The following IQCJ variants were observed in gnomAD, a reference collection of about 807,000 sequenced individuals.
IQCJ encodes IQ motif containing J.
In IQCJ, 9 loss-of-function variants were observed where a neutral mutation model predicts 11.0. That is an observed-to-expected ratio of 0.82 (90% confidence interval 0.49 to 1.43). IQCJ has a LOEUF of 1.43. IQCJ is among the 40% of genes most tolerant of loss of function. The probability of loss-of-function intolerance (pLI) is 0.00; values close to 1 mark genes in which losing one functional copy is unlikely to be tolerated. For synonymous variants in IQCJ, 55 were observed against 51.3 expected, an observed-to-expected ratio of 1.07 and a Z score of -0.31; for missense variants, 146 against 133.2, an observed-to-expected ratio of 1.10 and a Z score of -0.47.
chr3:159,207,511 T>C (rs1724718150), intron 1 of IQCJ, among the ~76,000 whole-genome samples: 1 of 152,076 alleles, frequency 6.6e-6, no homozygotes, highest in African/African-American at 2.4e-5. Flanking sequence ...ATATACTGTT[T>C]TGAAAAAAAA....
At chr3:159,202,691 T>A (rs1724422750) in intron 1 of IQCJ, among the ~76,000 whole-genome samples, 1 of 152,158 alleles carries the variant, frequency 6.6e-6, no homozygotes, top group Non-Finnish European at 1.5e-5. Flanking sequence ...AGAGACATGG[T>A]CTTGTTATGT....
chr3:159,255,767 C>T lies in IQCJ; in HGVS notation c.155+2960C>T, dbSNP rs144572709. ...TCAAAAGGGCAAAAGCAATCAAGAT[C>T]GTATGGCTATTAATGAAAAGGCATT... is the stretch of plus-strand genomic sequence containing the variant. On this transcript the variant is annotated intron_variant, in intron 3 of 3. Coordinates refer to ENST00000397832, the MANE Select transcript of IQCJ (RefSeq NM_001042706.3). Among the ~76,000 whole-genome samples the T allele has an allele frequency of 9.2e-5, 14 of 152,248 alleles. No individual in the cohort carries two copies. The East Asian group carries it at 2.7e-3, about 29-fold the overall frequency.
intron 1 of IQCJ, among the ~76,000 whole-genome samples, chr3:159,154,582 C>T (rs1189860299): frequency 6.6e-6 from 1 of 152,128 alleles, no homozygotes; most frequent in African/African-American, 2.4e-5. Flanking sequence ...CTCATGCCCA[C>T]CCTTGGCTTC....
intron 1 of IQCJ, among the ~76,000 whole-genome samples, chr3:159,213,003 G>A (rs751842879): frequency 2.0e-5 from 3 of 151,996 alleles, no homozygotes; most frequent in Non-Finnish European, 4.4e-5. Flanking sequence ...GATTTATTGA[G>A]CGAACTTACA....
At chr3:159,132,862 C>A (rs1002095197) in intron 1 of IQCJ, among the ~76,000 whole-genome samples, 4 of 152,122 alleles carry the variant, frequency 2.6e-5, no homozygotes, top group African/African-American at 9.7e-5. Context: ...ATCTACATGA[C>A]CCTCCGTTTA....
chr3:159,264,676 C>A (rs189283453), downstream of IQCJ, among the ~76,000 whole-genome samples: 267 of 152,236 alleles, frequency 1.8e-3, 2 homozygotes, highest in African/African-American at 6.2e-3. Context: ...CTTTGGGAGG[C>A]TGAGGTGGGC....
intron 1 of IQCJ, among the ~76,000 whole-genome samples, chr3:159,243,923 G>A (rs772878233): frequency 1.8e-4 from 27 of 152,190 alleles, no homozygotes; most frequent in Non-Finnish European, 3.4e-4. Flanking sequence ...TATTTTGAAA[G>A]TGGGGTCAAT....
At chr3:159,223,926 CA>C (rs1180727478) in intron 1 of IQCJ, among the ~76,000 whole-genome samples, 3 of 152,068 alleles carry the variant, frequency 2.0e-5, no homozygotes, top group Non-Finnish European at 2.9e-5. Context: ...CAAGATATCT[CA>C]TTACGTATGT....
At chr3:159,075,962 C>A (rs372880443) in intron 1 of IQCJ, among the ~76,000 whole-genome samples, 1 of 152,060 alleles carries the variant, frequency 6.6e-6, no homozygotes, top group African/African-American at 2.4e-5. Context: ...AGGGTTTGCC[C>A]ACCCAGAAGG....
At position 159,252,797 on chromosome 3, in the gene IQCJ, A is replaced by C; in HGVS notation, c.145A>C (p.Lys49Gln). 1.2e-6 allele frequency: 2 copies of C among 1,611,710 alleles called. No homozygotes were observed. The highest frequency in any genetic ancestry group is 2.7e-5 in the African/African-American group (2 of 74,986). Residue 49 changes from lysine (K) to glutamine (Q), a missense_variant, in exon 3 of 4, where the codon AAG becomes CAG. Lys to Gln is a moderately conservative substitution (Grantham distance 53). Coordinates refer to ENST00000397832, the MANE Select transcript of IQCJ (RefSeq NM_001042706.3). ...YPLNLQPLES[K>Q]VKIIQRAWRE... ...CCTCAATCTACAGCCCTTGGAATCA[A>C]AGGTGAAAATGTAAGTTATTTCAAA...
intron 1 of IQCJ, among the ~76,000 whole-genome samples, chr3:159,208,875 A>C (rs1028313706): frequency 9.9e-5 from 15 of 152,232 alleles, no homozygotes; most frequent in African/African-American, 3.1e-4. Flanking sequence ...AGACAGACAC[A>C]AGAAGAAACA....
chr3:159,221,473 G>GTAAT, intron 1 of IQCJ, among the ~76,000 whole-genome samples: 1 of 152,218 alleles, frequency 6.6e-6, no homozygotes, highest in Middle Eastern at 3.4e-3. Flanking sequence ...GGGCCTGAAG[G>GTAAT]TAATTGCCCT....
chr3:159,109,024 C>T (rs185764268), intron 1 of IQCJ, among the ~76,000 whole-genome samples: 1 of 152,250 alleles, frequency 6.6e-6, no homozygotes, highest in Non-Finnish European at 1.5e-5. Context: ...ATTCTTCTAA[C>T]AACATATAGA....
chr3:159,109,915 A>G (rs1395880288), intron 1 of IQCJ, among the ~76,000 whole-genome samples: 1 of 152,192 alleles, frequency 6.6e-6, no homozygotes, highest in Non-Finnish European at 1.5e-5. Context: ...ACCTATATAC[A>G]CTAACGTGTG....
intron 1 of IQCJ, among the ~76,000 whole-genome samples, chr3:159,195,353 G>C (rs1003390529): frequency 1.3e-5 from 2 of 152,088 alleles, no homozygotes; most frequent in Non-Finnish European, 2.9e-5. Context: ...TATTGGTTTG[G>C]TGGCCAAGAG....
chr3:159,104,632 T>G (rs1399350839), intron 1 of IQCJ, among the ~76,000 whole-genome samples: 1 of 152,186 alleles, frequency 6.6e-6, no homozygotes, highest in East Asian at 1.9e-4. Context: ...AGTGGCCTCC[T>G]CGCCCGCCAT....
chr3:159,255,609 A>C (rs1727852946), intron 3 of IQCJ, among the ~76,000 whole-genome samples: 1 of 152,192 alleles, frequency 6.6e-6, no homozygotes, highest in African/African-American at 2.4e-5. Context: ...CTCAGTGAAA[A>C]AATGTGTGAG....
intron 1 of IQCJ, among the ~76,000 whole-genome samples, chr3:159,101,108 T>C (rs1262042440): frequency 7.5e-6 from 1 of 133,024 alleles, no homozygotes; most frequent in Non-Finnish European, 1.6e-5. Context: ...AAGCGCAATA[T>C]TCGGGTGGGA....
chr3:159,071,447 A>G (rs1715553692), intron 1 of IQCJ, among the ~76,000 whole-genome samples: 1 of 152,058 alleles, frequency 6.6e-6, no homozygotes. Flanking sequence ...AAGGTTTTAA[A>G]TTGAATGAAT....
Sources: allele counts gnomAD v4.1 joint callset (sites outside exome capture counted in the v4.1 genomes callset), GRCh38; gene constraint gnomAD v4.1.1; transcripts MANE v1.5; gene names NCBI Gene and HGNC (gene_info 2026-07-23, HGNC 2026-07-21).